Variants in TANC2 observed in about 807,000 individuals in gnomAD.
TANC2 encodes the protein protein TANC2.
Under a neutral mutation model 210.5 loss-of-function variants are expected in TANC2, and 26 were observed. The observed-to-expected ratio is 0.12, with a 90% CI of 0.09 to 0.17. The LOEUF is 0.17. TANC2 is among the 10% of genes least tolerant of loss of function. The probability of loss-of-function intolerance (pLI) is 1.00; values close to 1 mark genes in which losing one functional copy is unlikely to be tolerated. For missense variants in TANC2, 2,129 were observed against 2,608.9 expected (o/e 0.82, Z 4.01); for synonymous variants, 931 against 967.1 (o/e 0.96, Z 0.69).
intron 4 of TANC2, among the ~76,000 whole-genome samples, chr17:63,101,827 T>C (rs1249487133): frequency 6.6e-6 from 1 of 152,050 alleles, no homozygotes; most frequent in Non-Finnish European, 1.5e-5. Flanking sequence ...AGGAGATAAT[T>C]GAGCTGAGTT....
Position 63,162,316 on chromosome 17 carries a change from C to A in TANC2, c.433+10936C>A, listed in dbSNP as rs868702046. ...AGACCCTGTCTGGAAAAAAAAAAAACAAAACTGAGGGTTTAAAAGTGAGTG... is the reference window on the plus strand; with the variant it reads ...AGACCCTGTCTGGAAAAAAAAAAAAAAAAACTGAGGGTTTAAAAGTGAGTG... On this transcript the variant is annotated intron_variant, in intron 5 of 27. Coordinates refer to ENST00000689528, the Ensembl canonical transcript of TANC2. Among the ~76,000 whole-genome samples, 1,309 of 141,650 alleles carry A rather than the reference C, an allele frequency of 9.2e-3. 16 individuals are homozygous for A. The highest frequency in any genetic ancestry group is 0.03 in the African/African-American group (1,148 of 38,016). 92.9% of individuals were successfully genotyped at this position (141,650 alleles called of 152,430 possible).
At chr17:63,242,275 G>T (rs1400203306) in intron 8 of TANC2, among the ~76,000 whole-genome samples, 1 of 152,070 alleles carries the variant, frequency 6.6e-6, no homozygotes. Context: ...CTCAGTGTCT[G>T]TGAGGCTAAT....
intron 21 of TANC2, among the ~76,000 whole-genome samples, chr17:63,410,080 A>G (rs574528799): frequency 1.3e-5 from 2 of 152,244 alleles, no homozygotes; most frequent in Non-Finnish European, 2.9e-5. Flanking sequence ...CTCAAGCTGT[A>G]TATGTATACA....
chr17:63,309,970 GAAA>G (rs11308887), intron 9 of TANC2, among the ~76,000 whole-genome samples: 1 of 150,492 alleles, frequency 6.6e-6, no homozygotes, highest in Non-Finnish European at 1.5e-5. Context: ...CCCTTTGGGG[GAAA>G]AAAAAAAGTT....
At chr17:63,117,909 T>C (rs965074924) in intron 4 of TANC2, among the ~76,000 whole-genome samples, 7 of 152,228 alleles carry the variant, frequency 4.6e-5, no homozygotes, top group Non-Finnish European at 8.8e-5. Context: ...TTTTGGCACA[T>C]TTATTTAATT....
At chr17:63,308,674 G>A (rs2045009691) in intron 9 of TANC2, among the ~76,000 whole-genome samples, 1 of 152,122 alleles carries the variant, frequency 6.6e-6, no homozygotes, top group South Asian at 2.1e-4. Flanking sequence ...GTAAAAGTGG[G>A]AGAGAGATAG....
At chr17:63,054,496 C>T (rs1049325230) in intron 2 of TANC2, among the ~76,000 whole-genome samples, 6 of 151,898 alleles carry the variant, frequency 4.0e-5, no homozygotes, top group Non-Finnish European at 7.4e-5. Flanking sequence ...CTCAGCCTCC[C>T]GAGTAGCTGA....
chr17:63,369,763 G>A (rs1025211106), intron 14 of TANC2, among the ~76,000 whole-genome samples: 4 of 151,638 alleles, frequency 2.6e-5, no homozygotes, highest in South Asian at 4.2e-4. Context: ...CCACCATGCC[G>A]GGCTAATTTT....
chr17:63,135,863 C>T (rs1179099306), intron 4 of TANC2, among the ~76,000 whole-genome samples: 3 of 152,082 alleles, frequency 2.0e-5, no homozygotes, highest in Non-Finnish European at 2.9e-5. Flanking sequence ...TTTAGATATA[C>T]GGAAATGAAA....
chr17:63,308,128 T>C (rs1233599721), intron 9 of TANC2, among the ~76,000 whole-genome samples: 1 of 152,194 alleles, frequency 6.6e-6, no homozygotes, highest in Non-Finnish European at 1.5e-5. Context: ...AATTCATATT[T>C]AGTGGGGGAA....
rs77092412 is a variant in TANC2 at position 63,277,489 on chromosome 17, T to C, written c.1159+9616T>C. ...GGCTGCCAAAGTAATCTTTCTAAAA[T>C]GCAGCTCAGAATCATGTCATTTCTC... is the stretch of plus-strand genomic sequence containing the variant. On this transcript the variant is annotated intron_variant, in intron 9 of 27. Coordinates refer to ENST00000689528, the Ensembl canonical transcript of TANC2. 7.5e-3 allele frequency among the ~76,000 whole-genome samples: 1,087 copies of C among 145,630 alleles called. 9 individuals are homozygous for C. Among genetic ancestry groups the C allele is most frequent in the Non-Finnish European group, 0.011 (743 of 67,042 alleles).
At chr17:62,997,307 G>T (rs1444041210) in intron 1 of TANC2, among the ~76,000 whole-genome samples, 1 of 151,852 alleles carries the variant, frequency 6.6e-6, no homozygotes, top group African/African-American at 2.4e-5. Flanking sequence ...TTTTCATCGT[G>T]TGCATTATTA....
At chr17:63,422,378 C>T (rs1027746093) in exon 28 of TANC2, 16 of 184,232 alleles carry the variant, frequency 8.7e-5, no homozygotes, top group Admixed American at 3.8e-4. Context: ...GTGCGATGCC[C>T]CTTTGCCTTT....
exon 19 of TANC2, chr17:63,398,873 G>T: frequency 6.3e-7 from 1 of 1,598,332 alleles, no homozygotes; most frequent in Non-Finnish European, 8.5e-7. Context: ...GAAGTAGAGC[G>T]AGCACAGATC....
rs372090397 is a variant in TANC2, at chr17:63,274,687, G to A, written c.1159+6814G>A. Among the ~76,000 whole-genome samples the A allele has an allele frequency of 1.1e-4, 17 of 152,058 alleles. No homozygotes were observed. In the South Asian group the frequency reaches 1.9e-3, roughly 17 times the overall value. On this transcript the variant is annotated intron_variant, in intron 9 of 27. Coordinates refer to ENST00000689528, the Ensembl canonical transcript of TANC2. ...ACAAAAATTAGCCAGGCATGGTGGC[G>A]TGGGCCCATAGTCCCAGCTACTCAG...
At chr17:63,407,717 G>A (rs537415929) in intron 21 of TANC2, among the ~76,000 whole-genome samples, 2 of 152,266 alleles carry the variant, frequency 1.3e-5, no homozygotes, top group Admixed American at 1.3e-4. Flanking sequence ...ATGTGGCAGG[G>A]AAGAGATGAA....
At chr17:63,227,117 C>T (rs2042349300) in intron 7 of TANC2, among the ~76,000 whole-genome samples, 1 of 152,010 alleles carries the variant, frequency 6.6e-6, no homozygotes, top group Admixed American at 6.5e-5. Flanking sequence ...GGTATATACC[C>T]AGTAATAGGA....
At chr17:63,011,619 T>C (rs2033876337) in intron 2 of TANC2, among the ~76,000 whole-genome samples, 2 of 152,216 alleles carry the variant, frequency 1.3e-5, no homozygotes, top group African/African-American at 4.8e-5. Context: ...CATTCGAGTT[T>C]AGGATTGTTA....
At chr17:63,409,311 A>G (rs2048615404) in intron 21 of TANC2, among the ~76,000 whole-genome samples, 2 of 151,828 alleles carry the variant, frequency 1.3e-5, no homozygotes, top group African/African-American at 4.8e-5. Context: ...CAGCCTTCCT[A>G]GTAGCTAAGA....
Sources: allele counts gnomAD v4.1 joint callset (sites outside exome capture counted in the v4.1 genomes callset), GRCh38; gene constraint gnomAD v4.1.1; transcripts MANE v1.5; gene names NCBI Gene and HGNC (gene_info 2026-07-23, HGNC 2026-07-21).